CDYL2: variants seen among roughly 807,000 people sequenced by gnomAD.
CDYL2 encodes chromodomain Y-like protein 2.
CDYL2 carries 23 observed loss-of-function variants against 49.4 expected under a neutral mutation model. That is an observed-to-expected ratio of 0.47 (90% CI 0.34 to 0.66). The LOEUF (loss-of-function observed/expected upper bound fraction) is 0.66, where lower values mean the gene tolerates loss of function less well. Among genes scored for constraint, CDYL2 ranks in the 30% least tolerant of loss-of-function variants. CDYL2 has a pLI of 0.01. For synonymous variants in CDYL2, 360 were observed against 268.8 expected, an observed-to-expected ratio of 1.34 and a Z score of -3.32; for missense variants, 678 against 656.4, an observed-to-expected ratio of 1.03 and a Z score of -0.36.
intron 4 of CDYL2, among the ~76,000 whole-genome samples, chr16:80,613,392 G>A (rs530047130): frequency 6.6e-6 from 1 of 152,240 alleles, no homozygotes; most frequent in African/African-American, 2.4e-5. Context: ...GGGACTTCAA[G>A]CTTCAGATGG....
intron 1 of CDYL2, among the ~76,000 whole-genome samples, chr16:80,701,333 AAGGC>A (rs1302977818): frequency 6.6e-6 from 1 of 152,240 alleles, no homozygotes; most frequent in African/African-American, 2.4e-5. Flanking sequence ...GGTTTTCTCT[AAGGC>A]AGGGAGTGGA....
chr16:80,703,730 G>T (rs922595146), intron 1 of CDYL2, among the ~76,000 whole-genome samples: 5 of 152,186 alleles, frequency 3.3e-5, no homozygotes, highest in Admixed American at 6.5e-5. Flanking sequence ...GCTATTCCTG[G>T]GTACAGGCTC....
At chr16:80,694,155 T>G (rs143632914) in intron 1 of CDYL2, among the ~76,000 whole-genome samples, 2 of 152,188 alleles carry the variant, frequency 1.3e-5, no homozygotes, top group African/African-American at 2.4e-5. Flanking sequence ...TAGATTCTCA[T>G]AAGAAACACG....
chr16:80,643,186 C>A (rs1220636235), intron 2 of CDYL2, among the ~76,000 whole-genome samples: 1 of 152,136 alleles, frequency 6.6e-6, no homozygotes, highest in African/African-American at 2.4e-5. Context: ...CCAGGCAATT[C>A]CAAAATCCAG....
chr16:80,676,540 C>G (rs2142460477), intron 2 of CDYL2, among the ~76,000 whole-genome samples: 1 of 152,240 alleles, frequency 6.6e-6, no homozygotes, highest in East Asian at 1.9e-4. Flanking sequence ...AGCTCCTCAC[C>G]CAGAGAAGCA....
In CDYL2 at chr16:80,633,163, G is replaced by A. The variant is rs370004377; in HGVS notation, c.690C>T (p.Tyr230=). ...VKRKLEAEKD[Y]VFDKRLRYSV... The stretch of plus-strand genomic sequence containing the variant: ...TGTATCTGAGCCTTTTGTCAAAGAC[G>A]TAGTCCTTCTCCGCTTCCAGCTTCC... Residue 230 remains tyrosine, a synonymous_variant, in exon 3 of 7, where the codon TAC becomes TAT. Coordinates refer to ENST00000570137, the MANE Select transcript of CDYL2 (RefSeq NM_152342.4). The A allele has an allele frequency of 3.4e-5, 55 of 1,614,058 alleles. No individual in the cohort carries two copies. Among genetic ancestry groups the A allele is most frequent in the Middle Eastern group, 1.6e-4 (1 of 6,082 alleles).
intron 1 of CDYL2, among the ~76,000 whole-genome samples, chr16:80,697,979 T>G (rs1440713455): frequency 6.6e-6 from 1 of 152,076 alleles, no homozygotes; most frequent in Non-Finnish European, 1.5e-5. Context: ...GCCGAAATGA[T>G]CTGCAAAGTC....
intron 2 of CDYL2, among the ~76,000 whole-genome samples, chr16:80,651,996 C>A (rs1004407250): frequency 1.3e-5 from 2 of 152,142 alleles, no homozygotes; most frequent in South Asian, 4.1e-4. Context: ...AGTATGAACT[C>A]ATTTTTAGTT....
chr16:80,716,257 T>C (rs1039842395), intron 1 of CDYL2, among the ~76,000 whole-genome samples: 1 of 152,238 alleles, frequency 6.6e-6, no homozygotes, highest in South Asian at 2.1e-4. Context: ...TCCAAGTACT[T>C]ACATCATAAT....
intron 2 of CDYL2, among the ~76,000 whole-genome samples, chr16:80,664,181 C>A (rs567155866): frequency 6.6e-6 from 1 of 152,308 alleles, no homozygotes; most frequent in East Asian, 1.9e-4. Context: ...ATCCTGTTTT[C>A]TGGCCTTAAC....
intron 1 of CDYL2, among the ~76,000 whole-genome samples, chr16:80,699,353 T>C (rs1904289358): frequency 6.6e-6 from 1 of 152,224 alleles, no homozygotes; most frequent in African/African-American, 2.4e-5. Flanking sequence ...TGAGATTCTA[T>C]CACTTGTGGC....
chr16:80,764,383 G>C (rs141529378), intron 1 of CDYL2, among the ~76,000 whole-genome samples: 1 of 152,048 alleles, frequency 6.6e-6, no homozygotes, highest in Non-Finnish European at 1.5e-5. Context: ...CTTATTCTAC[G>C]GAGGAAGACC....
At chr16:80,614,746 C>T (rs1906750797) in intron 4 of CDYL2, among the ~76,000 whole-genome samples, 1 of 151,860 alleles carries the variant, frequency 6.6e-6, no homozygotes, top group Non-Finnish European at 1.5e-5. Flanking sequence ...TGCCTGTAGT[C>T]CCAGCTACTT....
At position 80,652,701 on chromosome 16, in the gene CDYL2, T is replaced by C. The variant is rs532206621; in HGVS notation, c.617-19465A>G. Among the ~76,000 whole-genome samples, 7 of 152,314 alleles carry C rather than the reference T, an allele frequency of 4.6e-5. No individual in the cohort carries two copies. In the East Asian group the frequency reaches 1.4e-3, roughly 29 times the overall value. On this transcript the variant is annotated intron_variant, in intron 2 of 6. Transcript: ENST00000570137. The stretch of plus-strand genomic sequence containing the variant: ...CATCAACAGTGACAGGTCACGTTCT[T>C]AGTCTTTATGAACTATAGACCTGAT...
chr16:80,617,631 G>C (rs1463181912), intron 4 of CDYL2, among the ~76,000 whole-genome samples: 1 of 152,018 alleles, frequency 6.6e-6, no homozygotes, highest in East Asian at 1.9e-4. Context: ...AAAGAGTTTG[G>C]TGCTGATGGG....
At position 80,677,655 on chromosome 16, in the gene CDYL2, C is replaced by T. The variant is rs375290131; in HGVS notation, c.616+6883G>A. Among the ~76,000 whole-genome samples, 28 of 152,038 alleles carry T rather than the reference C, an allele frequency of 1.8e-4. No individual in the cohort carries two copies. In the East Asian group the frequency reaches 3.7e-3, roughly 20 times the overall value. On this transcript the variant is annotated intron_variant, in intron 2 of 6. Transcript: ENST00000570137. The stretch of plus-strand genomic sequence containing the variant: ...TCGGGAGGCTGAGGCAGGAGAATGG[C>T]GTGAACTCAGGAGGCGGAGCTTGCA...
chr16:80,751,298 T>G (rs529411970), intron 1 of CDYL2, among the ~76,000 whole-genome samples: 1 of 152,332 alleles, frequency 6.6e-6, no homozygotes, highest in East Asian at 1.9e-4. Flanking sequence ...AGAGCTGCCT[T>G]GGCAGCCAGA....
rs1906209685 is a variant in CDYL2 at position 80,603,904 on chromosome 16, C to G, written c.*484G>C. ...TTTGCGTCGGAAAGGAGACTGAGGC[C>G]AGGTGTGCACAATCATTTTGCTCAT... On this transcript the variant is annotated 3_prime_UTR_variant, in exon 7 of 7. Coordinates refer to ENST00000570137, the MANE Select transcript of CDYL2 (RefSeq NM_152342.4). 1 of 156,934 alleles carries G rather than the reference C, an allele frequency of 6.4e-6. No homozygotes were observed. The highest frequency in any genetic ancestry group is 2.4e-5 in the African/African-American group (1 of 41,534). The allele number at this position is 156,934 out of a possible 1,614,324, so 9.7% of individuals were successfully genotyped here. A position where few individuals can be genotyped will look rare whatever the true frequency, so the allele number is the denominator to read the frequency against.
intron 1 of CDYL2, among the ~76,000 whole-genome samples, chr16:80,715,156 G>A (rs950988054): frequency 2.0e-5 from 3 of 152,114 alleles, no homozygotes; most frequent in Non-Finnish European, 4.4e-5. Flanking sequence ...CCCAAGCCAT[G>A]GATCTAACAA....
Sources: gnomAD v4.1 joint callset for allele counts (sites outside exome capture counted in the v4.1 genomes callset) on GRCh38, gnomAD v4.1.1 for gene constraint, MANE v1.5 for transcripts, NCBI Gene and HGNC (gene_info 2026-07-23, HGNC 2026-07-21) for gene names.